ANO6: variants seen among roughly 807,000 people sequenced by gnomAD.
ANO6 encodes the protein anoctamin-6.
In ANO6, 106 loss-of-function variants were observed where a neutral mutation model predicts 117.5. The ratio of observed to expected loss-of-function variants is 0.90; its 90% CI spans 0.77 to 1.06. The LOEUF (loss-of-function observed/expected upper bound fraction) is 1.06, where lower values mean the gene tolerates loss of function less well. Among genes scored for constraint, ANO6 ranks in the 50% least tolerant of loss-of-function variants. ANO6 has a pLI of 0.00. For synonymous variants in ANO6, 367 were observed against 385.1 expected (o/e 0.95, Z 0.55); for missense variants, 955 against 1,121.1 (o/e 0.85, Z 2.12).
chr12:45,227,681 G>A (rs1248281184), intron 1 of ANO6, among the ~76,000 whole-genome samples: 1 of 151,708 alleles, frequency 6.6e-6, no homozygotes, highest in East Asian at 1.9e-4. Context: ...TGATCACTAA[G>A]TCTTTTCCCA....
Position 45,401,841 on chromosome 12 carries a change from T to C in ANO6, c.1433T>C (p.Leu478Pro). 1 of 1,614,058 alleles carries C rather than the reference T, an allele frequency of 6.2e-7. No homozygotes were observed. The highest frequency in any genetic ancestry group is 8.5e-7 in the Non-Finnish European group (1 of 1,180,010). The change falls in exon 13 of 20, where the codon CTC becomes CCC. Residue 478 changes from leucine (L) to proline (P), a missense_variant. Coordinates refer to ENST00000320560, the MANE Select transcript of ANO6 (RefSeq NM_001025356.3). The part of the protein sequence containing the change: ...ASVIGIIVYR[L>P]SVFIVFSAKL... ...GTTATTGGGATCATTGTCTATAGGC[T>C]CTCGGTGTTCATTGTATTTTCTGCA...
chr12:45,395,623 C>T (rs1172371684), intron 12 of ANO6, among the ~76,000 whole-genome samples: 1 of 152,180 alleles, frequency 6.6e-6, no homozygotes, highest in South Asian at 2.1e-4. Context: ...TCCAGCAGCA[C>T]ATCAAAAAGC....
At chr12:45,239,781 G>A (rs930655786) in intron 1 of ANO6, among the ~76,000 whole-genome samples, 6 of 152,084 alleles carry the variant, frequency 3.9e-5, no homozygotes, top group East Asian at 1.9e-4. Context: ...ATTTTGTTAC[G>A]TACCCAGTAA....
intron 1 of ANO6, among the ~76,000 whole-genome samples, chr12:45,245,743 G>A (rs1188729576): frequency 6.6e-6 from 1 of 152,114 alleles, no homozygotes; most frequent in Non-Finnish European, 1.5e-5. Context: ...GGTACAGTGT[G>A]TGGTGCTAGT....
At chr12:45,318,087 G>C (rs893186161) in intron 2 of ANO6, among the ~76,000 whole-genome samples, 1 of 152,198 alleles carries the variant, frequency 6.6e-6, no homozygotes, top group Non-Finnish European at 1.5e-5. Context: ...TGTTCACTCT[G>C]ATGGTAATTT....
chr12:45,395,132 G>A (rs1433043685), intron 12 of ANO6, among the ~76,000 whole-genome samples: 4 of 152,092 alleles, frequency 2.6e-5, no homozygotes, highest in Non-Finnish European at 5.9e-5. Flanking sequence ...GAATCAAGTA[G>A]ATGCAATAAA....
intron 19 of ANO6, among the ~76,000 whole-genome samples, chr12:45,424,031 T>G (rs1269112111): frequency 3.3e-5 from 5 of 152,060 alleles, no homozygotes; most frequent in South Asian, 2.1e-4. Flanking sequence ...TTCTTTTTTT[T>G]TTTTTTAAAT....
At chr12:45,313,205 G>A (rs533472693) in intron 2 of ANO6, 1 of 152,160 alleles carries the variant, frequency 6.6e-6, no homozygotes, top group Non-Finnish European at 1.5e-5. Flanking sequence ...GTAGGTGAAA[G>A]CTATTCTGAA....
intron 1 of ANO6, among the ~76,000 whole-genome samples, chr12:45,277,356 A>C (rs574153476): frequency 3.3e-5 from 5 of 152,320 alleles, no homozygotes; most frequent in African/African-American, 9.6e-5. Context: ...ACTTTTACCC[A>C]ATTGTAAATC....
intron 3 of ANO6, among the ~76,000 whole-genome samples, chr12:45,341,811 C>CA (rs1940986187): frequency 1.3e-5 from 2 of 152,166 alleles, no homozygotes; most frequent in South Asian, 4.1e-4. Flanking sequence ...GTATTTAAAA[C>CA]AGAGATGAGC....
intron 6 of ANO6, among the ~76,000 whole-genome samples, chr12:45,349,766 C>CA (rs1941234049): frequency 6.6e-6 from 1 of 152,172 alleles, no homozygotes; most frequent in South Asian, 2.1e-4. Flanking sequence ...CCAATGTAGC[C>CA]ATCCAGCCTG....
intron 2 of ANO6, among the ~76,000 whole-genome samples, chr12:45,326,605 T>C (rs964954672): frequency 6.6e-6 from 1 of 152,220 alleles, no homozygotes; most frequent in Non-Finnish European, 1.5e-5. Flanking sequence ...CCAGGGCTGC[T>C]TGACGGTGCC....
At chr12:45,229,394 T>TC (rs959737781) in intron 1 of ANO6, among the ~76,000 whole-genome samples, 1 of 144,918 alleles carries the variant, frequency 6.9e-6, no homozygotes, top group Non-Finnish European at 1.5e-5. Context: ...TTTTTAGTTT[T>TC]TTTTTTTTTT....
chr12:45,219,425 T>C (rs766818861), intron 1 of ANO6, among the ~76,000 whole-genome samples: 4 of 151,940 alleles, frequency 2.6e-5, no homozygotes, highest in Non-Finnish European at 5.9e-5. Flanking sequence ...AGCCTTGACT[T>C]CCCAGGCTCA....
At chr12:45,272,415 T>G (rs1938423265) in intron 1 of ANO6, among the ~76,000 whole-genome samples, 1 of 152,288 alleles carries the variant, frequency 6.6e-6, no homozygotes, top group Non-Finnish European at 1.5e-5. Flanking sequence ...CCCTGCAAAT[T>G]AGGATTTATT....
chr12:45,422,114 C>G (rs1410127746), intron 18 of ANO6, among the ~76,000 whole-genome samples: 1 of 152,150 alleles, frequency 6.6e-6, no homozygotes, highest in Non-Finnish European at 1.5e-5. Context: ...CAATTCTAAT[C>G]AGAAATTAAA....
intron 9 of ANO6, among the ~76,000 whole-genome samples, chr12:45,372,943 C>T (rs1407718667): frequency 3.3e-5 from 5 of 152,160 alleles, no homozygotes; most frequent in Non-Finnish European, 7.3e-5. Flanking sequence ...CAAGACCCAT[C>T]AGTGTGCTGT....
At chr12:45,261,020 G>A (rs946607780) in intron 1 of ANO6, among the ~76,000 whole-genome samples, 1 of 151,948 alleles carries the variant, frequency 6.6e-6, no homozygotes, top group East Asian at 1.9e-4. Context: ...GGGTCTTGCT[G>A]TGTTGCCCAG....
chr12:45,218,855 A>C (rs1947354808), intron 1 of ANO6, among the ~76,000 whole-genome samples: 1 of 152,208 alleles, frequency 6.6e-6, no homozygotes, highest in Admixed American at 6.5e-5. Context: ...TGTCACTGTC[A>C]GTAGTTGTAT....
Sources: allele counts gnomAD v4.1 joint callset (sites outside exome capture counted in the v4.1 genomes callset), GRCh38; gene constraint gnomAD v4.1.1; transcripts MANE v1.5; gene names NCBI Gene and HGNC (gene_info 2026-07-23, HGNC 2026-07-21).